The following MICAL3 variants were observed in gnomAD, a reference collection of about 807,000 sequenced individuals.
MICAL3 encodes [F-actin]-monooxygenase MICAL3.
Under a neutral mutation model 207.4 loss-of-function variants are expected in MICAL3, and 62 were observed. That is an observed-to-expected ratio of 0.30 (90% CI 0.24 to 0.37). The LOEUF (loss-of-function observed/expected upper bound fraction) is 0.37, where lower values mean the gene tolerates loss of function less well. MICAL3 is among the 10% of genes least tolerant of loss of function. The pLI is 1.00. For missense variants in MICAL3, 2,368 were observed against 2,635.6 expected (o/e 0.90, Z 2.22); for synonymous variants, 1,077 against 1,069.3 (o/e 1.01, Z -0.14).
chr22:17,914,049 A>G (rs1231183813), intron 1 of MICAL3, among the ~76,000 whole-genome samples: 2 of 152,250 alleles, frequency 1.3e-5, no homozygotes, highest in African/African-American at 4.8e-5. Context: ...TGCCAGGAAC[A>G]GAGCAAGGAC....
intron 1 of MICAL3, among the ~76,000 whole-genome samples, chr22:17,909,301 A>C (rs1931963699): frequency 6.6e-6 from 1 of 152,170 alleles, no homozygotes; most frequent in Admixed American, 6.5e-5. Context: ...AGGTGGGTGA[A>C]TCACTTGAGG....
rs986009084 is a variant in MICAL3, at chr22:17,793,094, C to T, written c.5651-1793G>A. Among the ~76,000 whole-genome samples the T allele has an allele frequency of 3.2e-4, 49 of 152,274 alleles. No individual in the cohort carries two copies. Among genetic ancestry groups the T allele is most frequent in the African/African-American group, 1.1e-3 (44 of 41,556 alleles). On this transcript the variant is annotated intron_variant, in intron 29 of 31. Coordinates refer to ENST00000441493, the MANE Select transcript of MICAL3 (RefSeq NM_015241.3). This position sits in a 1 kb window ranked among gnomAD's most constrained non-coding sequence, Gnocchi z 4.1. Reference sequence around the variant, plus strand: ...CAGCGCTCACTAGCTATGGAGAGCTCGCCCACGGCCGCCAGGCAGGGGCTG... The same window carrying T: ...CAGCGCTCACTAGCTATGGAGAGCTTGCCCACGGCCGCCAGGCAGGGGCTG...
intron 1 of MICAL3, among the ~76,000 whole-genome samples, chr22:18,023,554 C>G (rs901410927): frequency 1.3e-5 from 2 of 152,250 alleles, no homozygotes; most frequent in Non-Finnish European, 2.9e-5. Flanking sequence ...ACACAGAAAG[C>G]ATTTTGCTAT....
At chr22:17,801,707 A>G (rs2061941928) in intron 29 of MICAL3, among the ~76,000 whole-genome samples, 1 of 151,928 alleles carries the variant, frequency 6.6e-6, no homozygotes, top group Non-Finnish European at 1.5e-5. Context: ...CAGCCTGGCC[A>G]ACATGGTGAA....
In MICAL3 at chr22:17,826,602, A is replaced by G. The variant is rs186314320; in HGVS notation, c.3193+1042T>C. 4.6e-5 allele frequency: 31 copies of G among 670,616 alleles called. No individual in the cohort carries two copies. The African/African-American group carries it at 5.7e-4, about 12-fold the overall frequency. 41.5% of individuals were successfully genotyped at this position (670,616 alleles called of 1,614,324 possible). On this transcript the variant is annotated intron_variant, in intron 22 of 31. Transcript: ENST00000441493. ...GAGCCAAGGTCATCCTTAAAATCCCAAAGAGAAAGAAAGTGAGAAGGCATT... is the reference window on the plus strand; with the variant it reads ...GAGCCAAGGTCATCCTTAAAATCCCGAAGAGAAAGAAAGTGAGAAGGCATT...
intron 19 of MICAL3, among the ~76,000 whole-genome samples, chr22:17,849,306 T>C (rs1297733117): frequency 6.6e-6 from 1 of 152,162 alleles, no homozygotes; most frequent in Non-Finnish European, 1.5e-5. Context: ...ATAACCCTAG[T>C]CTCTAAGAGT....
At chr22:17,988,628 T>G (rs1378474310) in intron 1 of MICAL3, among the ~76,000 whole-genome samples, 4 of 152,082 alleles carry the variant, frequency 2.6e-5, no homozygotes, top group Non-Finnish European at 5.9e-5. Context: ...CTAATTTTTT[T>G]GTATTTTTAG....
intron 1 of MICAL3, among the ~76,000 whole-genome samples, chr22:17,975,385 C>A (rs1935588440): frequency 6.6e-6 from 1 of 152,078 alleles, no homozygotes; most frequent in African/African-American, 2.4e-5. Flanking sequence ...AAATCTCATA[C>A]CCTACTTGAC....
intron 19 of MICAL3, chr22:17,842,300 C>T (rs191299492): frequency 4.2e-6 from 2 of 475,128 alleles, no homozygotes; most frequent in Non-Finnish European, 7.7e-6. Context: ...GCAGTCTCCC[C>T]ACAAGAGTGA....
intron 19 of MICAL3, among the ~76,000 whole-genome samples, chr22:17,842,877 T>C (rs1292167478): frequency 1.3e-5 from 2 of 152,108 alleles, no homozygotes; most frequent in Non-Finnish European, 2.9e-5. Context: ...ATCCCAGCAC[T>C]TGGGGAGGCC....
chr22:17,968,305 C>A (rs1180080660), intron 1 of MICAL3, among the ~76,000 whole-genome samples: 1 of 152,066 alleles, frequency 6.6e-6, no homozygotes, highest in Non-Finnish European at 1.5e-5. Context: ...AGCCTAGCAA[C>A]CTTGCCAGAG....
At chr22:17,868,523 G>A (rs1223353793) in intron 17 of MICAL3, among the ~76,000 whole-genome samples, 2 of 152,200 alleles carry the variant, frequency 1.3e-5, no homozygotes, top group African/African-American at 4.8e-5. Flanking sequence ...AGAGGCGGAT[G>A]TGGTCCAGGA....
At chr22:17,851,570 C>G (rs138010017) in intron 19 of MICAL3, among the ~76,000 whole-genome samples, 1 of 152,322 alleles carries the variant, frequency 6.6e-6, no homozygotes, top group East Asian at 1.9e-4. Context: ...GAGCTTCGCT[C>G]CACTATAATG....
At chr22:17,808,180 G>C (rs113651100) in intron 29 of MICAL3, among the ~76,000 whole-genome samples, 2 of 152,254 alleles carry the variant, frequency 1.3e-5, no homozygotes, top group Non-Finnish European at 2.9e-5. Context: ...AGGAATGAGC[G>C]CACCACATTC....
intron 1 of MICAL3, among the ~76,000 whole-genome samples, chr22:17,994,671 C>T (rs950573828): frequency 4.0e-5 from 6 of 151,428 alleles, no homozygotes; most frequent in Non-Finnish European, 8.8e-5. Flanking sequence ...GAGATCATGC[C>T]ACTCCAGCTG....
At chr22:17,864,388 G>A in intron 19 of MICAL3, 1 of 1,336,804 alleles carries the variant, frequency 7.5e-7, no homozygotes, top group Non-Finnish European at 9.6e-7. Flanking sequence ...ACAGGGAACA[G>A]GACGCAGAAT....
intron 16 of MICAL3, among the ~76,000 whole-genome samples, chr22:17,883,269 G>C (rs1156678195): frequency 6.6e-6 from 1 of 152,190 alleles, no homozygotes; most frequent in Non-Finnish European, 1.5e-5. Context: ...CTTCTGTCGT[G>C]AGTTTGGACA....
At chr22:17,842,249 C>G (rs1333515454) in intron 19 of MICAL3, 1 of 573,666 alleles carries the variant, frequency 1.7e-6, no homozygotes, top group African/African-American at 1.9e-5. Flanking sequence ...AGAGCGTTCT[C>G]TCTCCTTCAT....
chr22:17,863,863 A>T (rs1196158508), intron 19 of MICAL3: 1 of 985,284 alleles, frequency 1.0e-6, no homozygotes, highest in Non-Finnish European at 1.2e-6. Flanking sequence ...CCTCCTCCAC[A>T]TTTCCTGGCA....
Sources: gnomAD v4.1 joint callset for allele counts (sites outside exome capture counted in the v4.1 genomes callset) on GRCh38, gnomAD v4.1.1 for gene constraint, Gnocchi (gnomAD v3.1) non-coding constraint, MANE v1.5 for transcripts, NCBI Gene and HGNC (gene_info 2026-07-23, HGNC 2026-07-21) for gene names.